The following ULK4 variants were observed in gnomAD, a reference collection of about 807,000 sequenced individuals.
ULK4 encodes inactive serine/threonine-protein kinase ULK4.
ULK4 carries 133 observed loss-of-function variants against 160.6 expected under a neutral mutation model. The ratio of observed to expected loss-of-function variants is 0.83; its 90% CI spans 0.72 to 0.96. The LOEUF is 0.96. Ranked by LOEUF, ULK4 falls within the 40% of genes least tolerant of loss-of-function variation. The pLI is 0.00. For synonymous variants in ULK4, 534 were observed against 539.8 expected, an observed-to-expected ratio of 0.99 and a Z score of 0.15; for missense variants, 1,580 against 1,499.5, an observed-to-expected ratio of 1.05 and a Z score of -0.89.
intron 22 of ULK4, among the ~76,000 whole-genome samples, chr3:41,725,205 T>C (rs2037608221): frequency 6.6e-6 from 1 of 152,268 alleles, no homozygotes; most frequent in African/African-American, 2.4e-5. Context: ...TATTTTCATA[T>C]GCTATCTACC....
intron 16 of ULK4, among the ~76,000 whole-genome samples, chr3:41,890,751 G>GGGAGGGAAGGAAGGGACA (rs1697907221): frequency 1.6e-3 from 3 of 1,878 alleles, no homozygotes; most frequent in African/African-American, 3.2e-3. Flanking sequence ...CAGGAGGGAC[G>GGGAGGGAAGGAAGGGACA]GGAGGGACGG....
intron 32 of ULK4, among the ~76,000 whole-genome samples, chr3:41,500,725 T>G (rs1242146492): frequency 6.6e-6 from 1 of 152,118 alleles, no homozygotes; most frequent in African/African-American, 2.4e-5. Context: ...GATTTGGAGA[T>G]TACAGTTGAA....
At chr3:41,762,664 T>TTTC (rs1457225890) in intron 21 of ULK4, among the ~76,000 whole-genome samples, 1 of 139,624 alleles carries the variant, frequency 7.2e-6, no homozygotes, top group African/African-American at 2.6e-5. Flanking sequence ...ACTTTTTTTT[T>TTTC]TTTTTTTTTT....
chr3:41,431,794 CT>C (rs11402711), intron 34 of ULK4, among the ~76,000 whole-genome samples: 64 of 134,884 alleles, frequency 4.7e-4, no homozygotes, highest in Middle Eastern at 3.7e-3. Flanking sequence ...TTTTTCTTTT[CT>C]TTTTTTTTTT....
intron 22 of ULK4, among the ~76,000 whole-genome samples, chr3:41,734,246 T>A (rs6599174): frequency 0.13 from 20,255 of 152,056 alleles, 4,399 homozygotes; most frequent in African/African-American, 0.46. Context: ...GACTTGTTTA[T>A]TAATTGAATG....
At chr3:41,829,375 G>A (rs143707219) in intron 18 of ULK4, among the ~76,000 whole-genome samples, 21,434 of 127,994 alleles carry the variant, frequency 0.17, 3,714 homozygotes, top group African/African-American at 0.4. Flanking sequence ...CAGAATGGGA[G>A]AAAATTTTTG....
chr3:41,917,707 C>T (rs1233976541), intron 7 of ULK4, among the ~76,000 whole-genome samples: 1 of 152,024 alleles, frequency 6.6e-6, no homozygotes, highest in African/African-American at 2.4e-5. Flanking sequence ...TTAGGCCGGG[C>T]GCAGTGGCTC....
At chr3:41,768,960 C>CA (rs963545367) in intron 21 of ULK4, among the ~76,000 whole-genome samples, 5 of 152,008 alleles carry the variant, frequency 3.3e-5, no homozygotes, top group Non-Finnish European at 2.9e-5. Flanking sequence ...CACTGTAAAT[C>CA]AAAAAAATCC....
intron 14 of ULK4, among the ~76,000 whole-genome samples, chr3:41,897,901 T>C (rs1189092148): frequency 6.6e-6 from 1 of 152,224 alleles, no homozygotes; most frequent in Non-Finnish European, 1.5e-5. Flanking sequence ...AAAAAACCAA[T>C]TTAAGGTATG....
intron 27 of ULK4, among the ~76,000 whole-genome samples, chr3:41,699,871 A>C (rs2036614285): frequency 6.6e-6 from 1 of 152,232 alleles, no homozygotes; most frequent in Admixed American, 6.5e-5. Flanking sequence ...CTTCTAATAG[A>C]CGCTGTAGTT....
rs140014937 is a variant in ULK4 at position 41,809,879 on chromosome 3, G to A, written c.1848+9544C>T. On this transcript the variant is annotated intron_variant, in intron 19 of 36. Coordinates refer to ENST00000301831, the MANE Select transcript of ULK4 (RefSeq NM_017886.4). ...GTTGACTGAGAGTACATCTATAAAT[G>A]TGAGGAACATTAAATGATATTAGTA... Among the ~76,000 whole-genome samples, 479 of 152,238 alleles carry A rather than the reference G, an allele frequency of 3.1e-3. 1 individual carries two copies. Among genetic ancestry groups the A allele is most frequent in the African/African-American group, 0.011 (454 of 41,530 alleles).
intron 35 of ULK4, among the ~76,000 whole-genome samples, chr3:41,274,272 T>A (rs1307571023): frequency 6.6e-6 from 1 of 152,218 alleles, no homozygotes; most frequent in Non-Finnish European, 1.5e-5. Flanking sequence ...TTACTCCATC[T>A]TGACCAGATA....
intron 21 of ULK4, among the ~76,000 whole-genome samples, chr3:41,771,656 T>C (rs2039382728): frequency 6.6e-6 from 1 of 151,942 alleles, no homozygotes; most frequent in East Asian, 1.9e-4. Flanking sequence ...CCATAATACC[T>C]AATACCATCA....
chr3:41,568,162 C>T (rs1253413827), intron 31 of ULK4, among the ~76,000 whole-genome samples: 2 of 152,176 alleles, frequency 1.3e-5, no homozygotes, highest in Non-Finnish European at 2.9e-5. Context: ...AAAAAAAGCC[C>T]TGCCCTTATG....
At chr3:41,498,285 A>G (rs2125913762) in intron 32 of ULK4, among the ~76,000 whole-genome samples, 1 of 152,368 alleles carries the variant, frequency 6.6e-6, no homozygotes, top group Non-Finnish European at 1.5e-5. Flanking sequence ...GAATTAAGGA[A>G]CATGTTTCTA....
Position 41,516,199 on chromosome 3 carries a change from A to G in ULK4, c.3226+49826T>C, listed in dbSNP as rs181230300. The stretch of plus-strand genomic sequence containing the variant: ...ATGTTCTGATTCGTTAGTATAGACA[A>G]CAATTCTGAGAAAGTGAAATTTTAC... On this transcript the variant is annotated intron_variant, in intron 32 of 36. Coordinates refer to ENST00000301831, the MANE Select transcript of ULK4 (RefSeq NM_017886.4). Among the ~76,000 whole-genome samples the G allele has an allele frequency of 3.5e-4, 54 of 152,328 alleles. No homozygotes were observed. The East Asian group carries it at 8.5e-3, about 24-fold the overall frequency.
At chr3:41,511,468 T>C (rs2085574748) in intron 32 of ULK4, among the ~76,000 whole-genome samples, 1 of 152,134 alleles carries the variant, frequency 6.6e-6, no homozygotes, top group Non-Finnish European at 1.5e-5. Flanking sequence ...TTACTACTGA[T>C]ACCACAGAAA....
intron 21 of ULK4, among the ~76,000 whole-genome samples, chr3:41,773,937 T>A (rs553805237): frequency 2.8e-4 from 42 of 152,310 alleles, no homozygotes; most frequent in African/African-American, 1.0e-3. Context: ...AACTATCTGA[T>A]CTTTGACAAA....
At chr3:41,352,805 C>G (rs1271052175) in intron 35 of ULK4, among the ~76,000 whole-genome samples, 1 of 152,184 alleles carries the variant, frequency 6.6e-6, no homozygotes, top group African/African-American at 2.4e-5. Flanking sequence ...TGCAGGAAGG[C>G]AGATGATTCA....
Sources: allele counts gnomAD v4.1 joint callset (sites outside exome capture counted in the v4.1 genomes callset), GRCh38; gene constraint gnomAD v4.1.1; transcripts MANE v1.5; gene names NCBI Gene and HGNC (gene_info 2026-07-23, HGNC 2026-07-21).